MUTYH: variants seen among roughly 807,000 people sequenced by gnomAD.
The protein encoded by MUTYH is adenine DNA glycosylase.
A neutral mutation model predicts 72.9 loss-of-function variants in MUTYH; 64 were observed. That is an observed-to-expected ratio of 0.88 (90% CI 0.72 to 1.08). The LOEUF is 1.08. Ranked by LOEUF, MUTYH falls within the 50% of genes least tolerant of loss-of-function variation. The probability of loss-of-function intolerance (pLI) is 0.00; values close to 1 mark genes in which losing one functional copy is unlikely to be tolerated. For synonymous variants in MUTYH, 234 were observed against 263.1 expected, an observed-to-expected ratio of 0.89 and a Z score of 1.07; for missense variants, 633 against 671.0, an observed-to-expected ratio of 0.94 and a Z score of 0.63.
Position 45,333,448 on chromosome 1 carries a change from C to T in MUTYH, c.229G>A (p.Asp77Asn), listed in dbSNP as rs587780746. The change falls in exon 3 of 16, where the codon GAC (aspartate) becomes AAC (asparagine). Residue 77 changes from aspartate (D) to asparagine (N), a missense_variant. Physicochemically the swap from Asp to Asn is conservative, Grantham distance 23. Transcript: ENST00000456914. The stretch of plus-strand genomic sequence containing the variant: ...CATGGTAGGTCCCGTTTCTCTTGGT[C>T]GTACCAGCTTAGCAGGCTCCCTCGG... ...AFRGSLLSWY[D>N]QEKRDLPWRR... The T allele has an allele frequency of 2.0e-5, 32 of 1,614,096 alleles. No individual in the cohort carries two copies. Among genetic ancestry groups the T allele is most frequent in the Non-Finnish European group, 2.5e-5 (30 of 1,180,046 alleles).
At chr1:45,338,541 T>A in intron 1 of MUTYH, 1 of 328,128 alleles carries the variant, frequency 3.0e-6, no homozygotes, top group South Asian at 3.5e-5. Context: ...ATTCTTTCCA[T>A]CAGTGTGTAC....
chr1:45,331,749 G>A lies in MUTYH; in HGVS notation c.1014C>T (p.Pro338=), dbSNP rs876658828. Residue 338 remains proline (P), a synonymous_variant, in exon 12 of 16, where the codon CCC becomes CCT. Coordinates refer to ENST00000456914, the MANE Select transcript of MUTYH (RefSeq NM_001048174.2). ...VNFPRKASRK[P]PREESSATCV... ...AGGTGGCAGAGCTCTCCTCCCTGGG[G>A]GGCTTGCGGCTGGCCTTTCTGGGGA... 2 of 1,614,006 alleles carry A rather than the reference G, an allele frequency of 1.2e-6. No homozygotes were observed. Among genetic ancestry groups the A allele is most frequent in the African/African-American group, 2.7e-5 (2 of 74,934 alleles).
intron 14 of MUTYH, 38 bp downstream of exon 14, chr1:45,331,144 A>C: frequency 6.2e-7 from 1 of 1,613,140 alleles, no homozygotes; most frequent in East Asian, 2.2e-5. Context: ...ACATGTAGGA[A>C]ACACAAGGAA....
In MUTYH at chr1:45,334,458, T is replaced by C. The variant is rs1570465432; in HGVS notation, c.48A>G (p.Ala16=). Residue 16 remains alanine, a synonymous_variant, in exon 2 of 16, where the codon GCA becomes GCG. Coordinates refer to ENST00000456914, the MANE Select transcript of MUTYH (RefSeq NM_001048174.2). ...AAVGSGHRKQ[A]ASQEGRQKHA... is the part of the protein sequence containing the mutation. Reference sequence around the variant, plus strand: ...GCTTCTGCCTCCCTTCCTGGCTGGCTGCCTGCTTCCTGTGACCACTTCCCA... The same window carrying C: ...GCTTCTGCCTCCCTTCCTGGCTGGCCGCCTGCTTCCTGTGACCACTTCCCA... The C allele has an allele frequency of 6.2e-7, 1 of 1,614,182 alleles. No homozygotes were observed. The highest frequency in any genetic ancestry group is 1.3e-5 in the African/African-American group (1 of 75,058).
intron 11 of MUTYH, 71 bp from the exon 12 acceptor site, chr1:45,331,920 T>C (rs1438677587): frequency 1.9e-6 from 3 of 1,611,388 alleles, no homozygotes; most frequent in African/African-American, 2.7e-5. Context: ...GAGTGGGCTT[T>C]GGCCGGGTTC....
rs1570350763 is a variant in MUTYH at position 45,330,683 on chromosome 1, C to T, written c.1393-126G>A. The T allele has an allele frequency of 1.1e-5, 13 of 1,147,506 alleles. No homozygotes were observed. In the East Asian group the frequency reaches 3.1e-4, roughly 27 times the overall value. The allele number at this position is 1,147,506 out of a possible 1,614,324, so 71.1% of individuals were successfully genotyped here. The stretch of plus-strand genomic sequence containing the variant: ...ATGCTTTTTTGGCCAGGCATGGTGG[C>T]TCACGCCTATAATCCCAGCATTTTG... On this transcript the variant is annotated intron_variant, in intron 14 of 15. Transcript: ENST00000456914.
upstream of MUTYH, chr1:45,340,413 C>T (rs889630915): frequency 1.3e-6 from 2 of 1,534,688 alleles, no homozygotes; most frequent in Admixed American, 2.0e-5. Flanking sequence ...ACTGCTCCTT[C>T]CGCCTGAACT....
chr1:45,338,379 C>A, intron 1 of MUTYH: 1 of 461,534 alleles, frequency 2.2e-6, no homozygotes, highest in Non-Finnish European at 4.2e-6. Context: ...TCACACAATC[C>A]ATTTCCTCTG....
chr1:45,331,387 C>G lies in MUTYH; in HGVS notation c.1239+33G>C, dbSNP rs754656365. 3.1e-6 allele frequency: 5 copies of G among 1,614,224 alleles called. No homozygotes were observed. In the Admixed American group the frequency reaches 6.7e-5, roughly 22 times the overall value. ...AGGCCTGTGGATATAGCCTCAAAAG[C>G]CAACATCCTTGGCTATTCCGCTGCT... On this transcript the variant is annotated intron_variant, in intron 13 of 15. Transcript: ENST00000456914.
chr1:45,331,265 G>C lies in MUTYH; in HGVS notation c.1309C>G (p.Pro437Ala), dbSNP rs375597447. Residue 437 changes from proline to alanine, a missense_variant, in exon 14 of 16, where the codon CCA (proline) becomes GCA (alanine). Physicochemically the swap from Pro to Ala is conservative, Grantham distance 27. Coordinates refer to ENST00000456914, the MANE Select transcript of MUTYH (RefSeq NM_001048174.2). ...GCACCTGGTGGTACGGTGGTCACTG[G>C]GGTCTGCCCTTCCAAGGCCAGCCCA... is the stretch of plus-strand genomic sequence containing the variant. ...VYGLALEGQTPVTTVPPGARW... is the reference protein window; with the variant it reads ...VYGLALEGQTAVTTVPPGARW... 6.8e-5 allele frequency: 109 copies of C among 1,614,016 alleles called. No homozygotes were observed. The highest frequency in any genetic ancestry group is 8.4e-5 in the Non-Finnish European group (99 of 1,180,020).
intron 15 of MUTYH, among the ~76,000 whole-genome samples, chr1:45,329,716 C>T (rs1434855052): frequency 6.6e-6 from 1 of 152,182 alleles, no homozygotes; most frequent in Non-Finnish European, 1.5e-5. Flanking sequence ...ACTGACCCAG[C>T]AGGCCCTGCT....
intron 1 of MUTYH, chr1:45,338,744 GT>G (rs11403361): frequency 5.2e-5 from 5 of 96,574 alleles, no homozygotes; most frequent in Non-Finnish European, 8.0e-5. Flanking sequence ...TTTTATTTTT[GT>G]TTTTTTTTTG....
intron 14 of MUTYH, 82 bp downstream of exon 14, chr1:45,331,100 T>G: frequency 6.3e-7 from 1 of 1,595,086 alleles, no homozygotes; most frequent in Non-Finnish European, 8.6e-7. Flanking sequence ...AAAATGCTTT[T>G]TTTCCTGTTT....
At chr1:45,331,954 G>A (rs1018930297) in intron 11 of MUTYH, 69 bp downstream of exon 11, 5 of 1,613,222 alleles carry the variant, frequency 3.1e-6, no homozygotes, top group Non-Finnish European at 4.2e-6. Flanking sequence ...TCAGGTTAGA[G>A]GAAGAACTGG....
In MUTYH at chr1:45,333,442, C is replaced by G. The variant is rs773108803; in HGVS notation, c.235G>C (p.Glu79Gln). The change falls in exon 3 of 16, where the codon GAG becomes CAG. Residue 79 changes from glutamate (E) to glutamine (Q), a missense_variant. Coordinates refer to ENST00000456914, the MANE Select transcript of MUTYH (RefSeq NM_001048174.2). Reference protein sequence around the residue: ...RGSLLSWYDQEKRDLPWRRRA... With the variant: ...RGSLLSWYDQQKRDLPWRRRA... ...CTTCTCCATGGTAGGTCCCGTTTCTCTTGGTCGTACCAGCTTAGCAGGCTC... is the reference window on the plus strand; with the variant it reads ...CTTCTCCATGGTAGGTCCCGTTTCTGTTGGTCGTACCAGCTTAGCAGGCTC... 3.1e-6 allele frequency: 5 copies of G among 1,614,244 alleles called. No homozygotes were observed. The highest frequency in any genetic ancestry group is 3.4e-6 in the Non-Finnish European group (4 of 1,180,038).
chr1:45,332,781 C>T lies in MUTYH; in HGVS notation c.474G>A (p.Leu158=), dbSNP rs1448426714. 1 of 1,614,194 alleles carries T rather than the reference C, an allele frequency of 6.2e-7. No homozygotes were observed. Among genetic ancestry groups the T allele is most frequent in the East Asian group, 2.2e-5 (1 of 44,882 alleles). ...CCCTTACCTTCCGAGCTCCCTCCTG[C>T]AGCCGCCGGCCACGAGAATAGTAGC... ...GLGYYSRGRR[L]QEGARKVVEE... is the part of the protein sequence containing the mutation. Residue 158 remains leucine, a synonymous_variant, in exon 7 of 16, where the codon CTG becomes CTA. Coordinates refer to ENST00000456914, the MANE Select transcript of MUTYH (RefSeq NM_001048174.2).
intron 10 of MUTYH, 27 bp downstream of exon 10, chr1:45,332,139 T>A: frequency 6.2e-7 from 1 of 1,614,200 alleles, no homozygotes; most frequent in Non-Finnish European, 8.5e-7. Context: ...TTAGGACTTC[T>A]CACTGCCCCT....
In MUTYH at chr1:45,331,513, C is replaced by A; in HGVS notation, c.1146G>T (p.Glu382Asp). 6.2e-7 allele frequency: 1 copy of A among 1,614,164 alleles called. No homozygotes were observed. Among genetic ancestry groups the A allele is most frequent in the Non-Finnish European group, 8.5e-7 (1 of 1,180,044 alleles). ...GLWEFPSVTW[E>D]PSEQLQRKAL... ...CCTTGCGCTGAAGCTGCTCTGAGGGCTCCCAGGTCACGGACGGGAACTCCC... is the reference window on the plus strand; with the variant it reads ...CCTTGCGCTGAAGCTGCTCTGAGGGATCCCAGGTCACGGACGGGAACTCCC... The change falls in exon 13 of 16, where the codon GAG becomes GAT. Residue 382 changes from glutamate to aspartate, a missense_variant. Coordinates refer to ENST00000456914, the MANE Select transcript of MUTYH (RefSeq NM_001048174.2).
chr1:45,336,537 C>G (rs938854064), intron 1 of MUTYH, among the ~76,000 whole-genome samples: 1 of 152,046 alleles, frequency 6.6e-6, no homozygotes, highest in African/African-American at 2.4e-5. Flanking sequence ...TAATCTCCCC[C>G]CCACCCTTAA....
Sources: allele counts gnomAD v4.1 joint callset (sites outside exome capture counted in the v4.1 genomes callset), GRCh38; gene constraint gnomAD v4.1.1; transcripts MANE v1.5; gene names NCBI Gene and HGNC (gene_info 2026-07-23, HGNC 2026-07-21).